The following WWOX variants were observed in gnomAD, a reference collection of about 807,000 sequenced individuals.
WWOX encodes WW domain containing oxidoreductase.
WWOX carries 69 observed loss-of-function variants against 46.2 expected under a neutral mutation model. The ratio of observed to expected loss-of-function variants is 1.49; its 90% CI spans 1.23 to 1.82. The LOEUF is 1.82. Ranked by LOEUF, WWOX falls within the 40% of genes most tolerant of loss-of-function variation. The pLI is 0.00. For missense variants in WWOX, 919 were observed against 542.6 expected (o/e 1.69, Z -6.89); for synonymous variants, 359 against 202.6 (o/e 1.77, Z -6.56).
Position 78,768,415 on chromosome 16 carries a change from C to G in WWOX, c.1056+335663C>G, listed in dbSNP as rs374497749. Among the ~76,000 whole-genome samples the G allele has an allele frequency of 1.3e-4, 20 of 151,678 alleles. 1 individual carries two copies. The highest frequency in any genetic ancestry group is 3.9e-4 in the African/African-American group (16 of 41,372). The stretch of plus-strand genomic sequence containing the variant: ...GACCACACTGGCCAACATGTTGAAA[C>G]CCGCTCTCTACTAAAAATACAACAA... On this transcript the variant is annotated intron_variant, in intron 8 of 8. Transcript: ENST00000566780.
intron 8 of WWOX, among the ~76,000 whole-genome samples, chr16:78,787,019 G>A (rs995459479): frequency 3.3e-5 from 5 of 152,120 alleles, no homozygotes; most frequent in African/African-American, 4.8e-5. Flanking sequence ...GTGGTGCTGG[G>A]TGCCTGTAAT....
intron 8 of WWOX, among the ~76,000 whole-genome samples, chr16:78,478,390 C>G (rs150124231): frequency 6.6e-6 from 1 of 152,082 alleles, no homozygotes; most frequent in African/African-American, 2.4e-5. Flanking sequence ...CTTCCTTAAG[C>G]CAATGTTAGC....
At chr16:78,952,744 A>G (rs1414422795) in intron 8 of WWOX, among the ~76,000 whole-genome samples, 2 of 152,098 alleles carry the variant, frequency 1.3e-5, no homozygotes, top group African/African-American at 4.8e-5. Context: ...TCCGTAGGGC[A>G]TGTGTTTGTT....
At chr16:78,905,594 C>G (rs546205057) in intron 8 of WWOX, among the ~76,000 whole-genome samples, 2 of 152,034 alleles carry the variant, frequency 1.3e-5, no homozygotes, top group Admixed American at 1.3e-4. Context: ...TTGACCAGGC[C>G]GGACTCAAAC....
chr16:78,562,291 G>C (rs1387808578), intron 8 of WWOX, among the ~76,000 whole-genome samples: 4 of 152,202 alleles, frequency 2.6e-5, no homozygotes, highest in Non-Finnish European at 5.9e-5. Flanking sequence ...CCTACTCTGA[G>C]AGCTCACTTT....
chr16:78,323,730 A>G (rs1453917943), intron 5 of WWOX, among the ~76,000 whole-genome samples: 1 of 152,166 alleles, frequency 6.6e-6, no homozygotes, highest in Non-Finnish European at 1.5e-5. Context: ...TCTATTCTAA[A>G]TGTTCTTTGA....
At chr16:78,124,736 T>G (rs2033284258) in intron 4 of WWOX, among the ~76,000 whole-genome samples, 1 of 152,208 alleles carries the variant, frequency 6.6e-6, no homozygotes, top group South Asian at 2.1e-4. Flanking sequence ...TTTTAAGTCT[T>G]TGAGTTATTT....
chr16:78,540,800 C>G (rs574117110), intron 8 of WWOX, among the ~76,000 whole-genome samples: 4 of 152,162 alleles, frequency 2.6e-5, no homozygotes, highest in Non-Finnish European at 5.9e-5. Context: ...GATCTTCCCA[C>G]CTCAGCCTGA....
intron 8 of WWOX, among the ~76,000 whole-genome samples, chr16:78,686,803 A>C (rs750273569): frequency 1.3e-5 from 2 of 152,194 alleles, no homozygotes; most frequent in African/African-American, 4.8e-5. Flanking sequence ...TGACTTGCAG[A>C]AACTGTTTTC....
intron 8 of WWOX, among the ~76,000 whole-genome samples, chr16:78,892,877 T>C (rs2044621433): frequency 6.6e-6 from 1 of 152,198 alleles, no homozygotes; most frequent in Non-Finnish European, 1.5e-5. Context: ...GCTTCATTCA[T>C]TGGTATCTCC....
chr16:78,667,928 C>T (rs979230583), intron 8 of WWOX, among the ~76,000 whole-genome samples: 1 of 152,104 alleles, frequency 6.6e-6, no homozygotes, highest in Non-Finnish European at 1.5e-5. Flanking sequence ...TGCCCCGTCA[C>T]ATCACACTCT....
chr16:78,931,080 A>T (rs994844563), intron 8 of WWOX, among the ~76,000 whole-genome samples: 5 of 152,232 alleles, frequency 3.3e-5, no homozygotes, highest in African/African-American at 1.2e-4. Context: ...AGTGATGAGC[A>T]TATGGTAAAT....
At chr16:78,472,264 A>G (rs1402517781) in intron 8 of WWOX, among the ~76,000 whole-genome samples, 1 of 152,198 alleles carries the variant, frequency 6.6e-6, no homozygotes, top group East Asian at 1.9e-4. Flanking sequence ...GGAATGACTA[A>G]CGAGGATCAG....
At chr16:78,815,192 G>A (rs931905297) in intron 8 of WWOX, among the ~76,000 whole-genome samples, 3 of 152,108 alleles carry the variant, frequency 2.0e-5, no homozygotes, top group Non-Finnish European at 4.4e-5. Flanking sequence ...AGGCATGGTG[G>A]CACACACCTG....
chr16:78,943,658 C>A (rs2045895650), intron 8 of WWOX, among the ~76,000 whole-genome samples: 1 of 152,164 alleles, frequency 6.6e-6, no homozygotes. Context: ...TGAAAAAATC[C>A]AGAAGAGTGT....
chr16:79,094,609 G>A (rs1020650086), intron 8 of WWOX, among the ~76,000 whole-genome samples: 8 of 151,676 alleles, frequency 5.3e-5, no homozygotes, highest in Admixed American at 2.0e-4. Context: ...CAGAGTAACC[G>A]TTTCAAAAAC....
chr16:78,662,331 C>T (rs1042948881), intron 8 of WWOX, among the ~76,000 whole-genome samples: 1 of 152,204 alleles, frequency 6.6e-6, no homozygotes, highest in Non-Finnish European at 1.5e-5. Context: ...ATTTCATCTG[C>T]ATATACAGGA....
At chr16:78,455,643 C>CAAAAAAAAAAAA (rs57754374) in intron 8 of WWOX, among the ~76,000 whole-genome samples, 2 of 60,508 alleles carry the variant, frequency 3.3e-5, no homozygotes, top group East Asian at 5.6e-4. Flanking sequence ...GACTCTGTCT[C>CAAAAAAAAAAAA]AAAAAAAAAA....
chr16:78,124,075 A>G (rs1012116511), intron 4 of WWOX: 4 of 152,176 alleles, frequency 2.6e-5, no homozygotes, highest in African/African-American at 7.2e-5. Context: ...AATTTGGCCC[A>G]GAAAGGAATA....
Sources: allele counts gnomAD v4.1 joint callset (sites outside exome capture counted in the v4.1 genomes callset), GRCh38; gene constraint gnomAD v4.1.1; transcripts MANE v1.5; gene names NCBI Gene and HGNC (gene_info 2026-07-23, HGNC 2026-07-21).